The following RCL1 variants were observed in gnomAD, a reference collection of about 807,000 sequenced individuals.
RCL1 encodes RNA terminal phosphate cyclase like 1, also known as RNA 3'-terminal phosphate cyclase-like protein.
A neutral mutation model predicts 42.4 loss-of-function variants in RCL1; 24 were observed. That is an observed-to-expected ratio of 0.57 (90% CI 0.41 to 0.80). The LOEUF (loss-of-function observed/expected upper bound fraction) is 0.80, where lower values mean the gene tolerates loss of function less well. RCL1 is among the 30% of genes least tolerant of loss of function. RCL1 has a pLI of 0.00. For synonymous variants in RCL1, 228 were observed against 177.3 expected (o/e 1.29, Z -2.27); for missense variants, 578 against 467.9 (o/e 1.24, Z -2.17).
chr9:4,820,472 G>A (rs1436354784), intron 1 of RCL1, among the ~76,000 whole-genome samples: 1 of 152,154 alleles, frequency 6.6e-6, no homozygotes, highest in Non-Finnish European at 1.5e-5. Context: ...TTCTCTTTAT[G>A]CCCATTCTCT....
intron 6 of RCL1, among the ~76,000 whole-genome samples, chr9:4,842,706 G>A (rs1278013483): frequency 6.6e-6 from 1 of 152,098 alleles, no homozygotes; most frequent in Non-Finnish European, 1.5e-5. Flanking sequence ...TCCTGATGCT[G>A]TTCTTTCCTT....
intron 1 of RCL1, among the ~76,000 whole-genome samples, chr9:4,819,297 A>G (rs1288470908): frequency 6.6e-6 from 1 of 152,234 alleles, no homozygotes; most frequent in Non-Finnish European, 1.5e-5. Flanking sequence ...TGGTCCTATG[A>G]GAATCCAATG....
At chr9:4,825,353 C>T (rs778743246) in intron 2 of RCL1, among the ~76,000 whole-genome samples, 36 of 152,110 alleles carry the variant, frequency 2.4e-4, no homozygotes, top group African/African-American at 7.7e-4. Flanking sequence ...AATAAACATA[C>T]GGATTTGAAG....
intron 1 of RCL1, among the ~76,000 whole-genome samples, chr9:4,810,583 G>A (rs1563832634): frequency 6.6e-6 from 1 of 151,888 alleles, no homozygotes; most frequent in East Asian, 1.9e-4. Flanking sequence ...ATGAAAATTT[G>A]GCTTGTTTCC....
chr9:4,859,928 A>G (rs1277498926), intron 8 of RCL1, among the ~76,000 whole-genome samples, 197 bp from the exon 9 acceptor site: 1 of 152,126 alleles, frequency 6.6e-6, no homozygotes, highest in African/African-American at 2.4e-5. Context: ...TATTGCGTGT[A>G]TCTCTGCAAA....
intron 2 of RCL1, among the ~76,000 whole-genome samples, chr9:4,824,743 A>G (rs1378108175): frequency 1.3e-5 from 2 of 152,202 alleles, no homozygotes; most frequent in Non-Finnish European, 2.9e-5. Context: ...ATTCTGATCT[A>G]TAGCTGCATT....
rs535050124 is a variant in RCL1 at position 4,827,779 on chromosome 9, T to TGTGTGA, written c.384+747_384+748insTGTGAG. Among the ~76,000 whole-genome samples, 1,024 of 149,500 alleles carry TGTGTGA rather than the reference T, an allele frequency of 6.8e-3. 4 individuals carry two copies. Among genetic ancestry groups the TGTGTGA allele is most frequent in the South Asian group, 0.019 (89 of 4,714 alleles). On this transcript the variant is annotated intron_variant, in intron 3 of 8. Transcript: ENST00000381750. ...GTGCACGCGTGTGTGTGTGTGTGTGTGAGAGAGAGAGAGATTAGAGAAGTC... is the reference window on the plus strand; with the variant it reads ...GTGCACGCGTGTGTGTGTGTGTGTGTGTGTGAGAGAGAGAGAGAGATTAGAGAAGTC...
chr9:4,820,473 C>T (rs777898133), intron 1 of RCL1, among the ~76,000 whole-genome samples: 21 of 152,148 alleles, frequency 1.4e-4, no homozygotes, highest in African/African-American at 4.8e-5. Flanking sequence ...TCTCTTTATG[C>T]CCATTCTCTT....
chr9:4,842,658 C>G (rs1817372135), intron 6 of RCL1, among the ~76,000 whole-genome samples: 2 of 152,152 alleles, frequency 1.3e-5, no homozygotes, highest in South Asian at 2.1e-4. Context: ...CCATTAATAC[C>G]TTGCTTGTCA....
chr9:4,820,555 A>T (rs1816559321), intron 1 of RCL1, among the ~76,000 whole-genome samples: 1 of 152,186 alleles, frequency 6.6e-6, no homozygotes, highest in Non-Finnish European at 1.5e-5. Context: ...CAAAAAACAA[A>T]ATCTAGAAAG....
In RCL1 at chr9:4,860,476, C is replaced by A; in HGVS notation, c.*201C>A. ...TGTTTCTCCAGTGGCATTGCCATTG[C>A]CCAGGAGGGGCCCAGTCACCATGAG... is the stretch of plus-strand genomic sequence containing the variant. On this transcript the variant is annotated 3_prime_UTR_variant, in exon 9 of 9. Coordinates refer to ENST00000381750, the MANE Select transcript of RCL1 (RefSeq NM_005772.5). 1 of 588,302 alleles carries A rather than the reference C, an allele frequency of 1.7e-6. No individual in the cohort carries two copies. Among genetic ancestry groups the A allele is most frequent in the Non-Finnish European group, 2.8e-6 (1 of 363,524 alleles). 36.4% of individuals were successfully genotyped at this position (588,302 alleles called of 1,614,324 possible).
intron 5 of RCL1, chr9:4,839,823 C>T (rs1817254485): frequency 4.1e-6 from 4 of 982,916 alleles, no homozygotes; most frequent in East Asian, 2.3e-4. Flanking sequence ...CATTGAAGAG[C>T]AAGAACAAAA....
intron 1 of RCL1, among the ~76,000 whole-genome samples, chr9:4,811,482 A>T (rs376864954): frequency 6.6e-6 from 1 of 151,774 alleles, no homozygotes; most frequent in East Asian, 1.9e-4. Flanking sequence ...TTGCTATGGG[A>T]TCAACTTTTT....
chr9:4,850,493 C>CTTTTT (rs35181848), intron 8 of RCL1: 44 of 136,938 alleles, frequency 3.2e-4, no homozygotes, highest in African/African-American at 9.1e-4. Context: ...TTTTTTTTTT[C>CTTTTT]TTTTTTTTTT....
chr9:4,799,180 A>G (rs1388944724), intron 1 of RCL1, among the ~76,000 whole-genome samples: 2 of 148,780 alleles, frequency 1.3e-5, no homozygotes, highest in East Asian at 4.0e-4. Context: ...CACTATGTTG[A>G]TCAGAGTGAT....
At chr9:4,845,802 T>C (rs545148143) in intron 7 of RCL1, among the ~76,000 whole-genome samples, 17 of 152,168 alleles carry the variant, frequency 1.1e-4, no homozygotes, top group Non-Finnish European at 2.1e-4. Flanking sequence ...TGTTGTATGG[T>C]GTATAATGTT....
At position 4,860,222 on chromosome 9, in the gene RCL1, C is replaced by T; in HGVS notation, c.1069C>T (p.Leu357=). ...GEELKGGDKV[L]MTCVGIGFSN... ...AGAACTCAAGGGTGGGGATAAAGTG[C>T]TGATGACCTGTGTTGGCATTGGTTT... The change falls in exon 9 of 9, where the codon CTG becomes TTG. Residue 357 remains leucine (L), a synonymous_variant. Coordinates refer to ENST00000381750, the MANE Select transcript of RCL1 (RefSeq NM_005772.5). The T allele has an allele frequency of 6.2e-7, 1 of 1,613,414 alleles. No homozygotes were observed. Among genetic ancestry groups the T allele is most frequent in the South Asian group, 1.1e-5 (1 of 90,928 alleles).
rs151132166 is a variant in RCL1 at position 4,798,082 on chromosome 9, A to G, written c.136+4855A>G. ...TAGTTAGGTAAGATAGTTGGTGAAG[A>G]CAAACGTGTAGTGAGGGACAGAGCT... On this transcript the variant is annotated intron_variant, in intron 1 of 8. Coordinates refer to ENST00000381750, the MANE Select transcript of RCL1 (RefSeq NM_005772.5). Among the ~76,000 whole-genome samples the G allele has an allele frequency of 4.4e-3, 670 of 152,332 alleles. 3 individuals are homozygous for G. The highest frequency in any genetic ancestry group is 0.015 in the African/African-American group (611 of 41,578).
intron 6 of RCL1, among the ~76,000 whole-genome samples, chr9:4,843,194 A>C (rs1817393671): frequency 6.6e-6 from 1 of 152,168 alleles, no homozygotes; most frequent in African/African-American, 2.4e-5. Flanking sequence ...AAAGTCATGG[A>C]TGGGTATTTC....
Sources: gnomAD v4.1 joint callset for allele counts (sites outside exome capture counted in the v4.1 genomes callset) on GRCh38, gnomAD v4.1.1 for gene constraint, MANE v1.5 for transcripts, NCBI Gene and HGNC (gene_info 2026-07-23, HGNC 2026-07-21) for gene names.